Variants in DENND1B observed in about 807,000 individuals in gnomAD.
DENND1B encodes the protein DENN domain containing 1B, also known as DENN domain-containing protein 1B.
In DENND1B, 59 loss-of-function variants were observed where a neutral mutation model predicts 90.1. That is an observed-to-expected ratio of 0.65 (90% CI 0.53 to 0.81). The LOEUF is 0.81. Ranked by LOEUF, DENND1B falls within the 40% of genes least tolerant of loss-of-function variation. The pLI is 0.00. For synonymous variants in DENND1B, 337 were observed against 324.6 expected (o/e 1.04, Z -0.41); for missense variants, 862 against 912.6 (o/e 0.94, Z 0.71).
intron 10 of DENND1B, among the ~76,000 whole-genome samples, chr1:197,626,551 C>T (rs1326449541): frequency 6.6e-6 from 1 of 152,154 alleles, no homozygotes; most frequent in Admixed American, 6.6e-5. Context: ...ATTTATAGCA[C>T]TAAATGCCCT....
chr1:197,719,179 A>G (rs1237859878), intron 2 of DENND1B, among the ~76,000 whole-genome samples: 2 of 152,160 alleles, frequency 1.3e-5, no homozygotes, highest in African/African-American at 4.8e-5. Context: ...TACAGAGGCA[A>G]TTTACTTAAG....
chr1:197,647,177 T>A, intron 7 of DENND1B, 63 bp from the exon 8 acceptor site: 4 of 1,186,552 alleles, frequency 3.4e-6, no homozygotes, highest in Non-Finnish European at 4.5e-6. Context: ...TACACAACAA[T>A]TTGCTGTGTA....
intron 13 of DENND1B, chr1:197,606,643 T>G (rs1009758764): frequency 1.3e-5 from 2 of 156,936 alleles, no homozygotes; most frequent in Non-Finnish European, 2.8e-5. Flanking sequence ...GATCATTAAT[T>G]AAAAGGAAAA....
chr1:197,622,258 C>G (rs562968001), intron 10 of DENND1B, among the ~76,000 whole-genome samples: 2 of 151,420 alleles, frequency 1.3e-5, no homozygotes, highest in Non-Finnish European at 3.0e-5. Context: ...ACTACTCATA[C>G]CTAATCCTCA....
At chr1:197,636,858 G>A (rs527412450) in intron 10 of DENND1B, among the ~76,000 whole-genome samples, 1 of 152,190 alleles carries the variant, frequency 6.6e-6, no homozygotes, top group South Asian at 2.1e-4. Context: ...AAACAGATGA[G>A]AGGGAGGAGT....
At chr1:197,751,939 A>AAGGAGG (rs892502706) in intron 2 of DENND1B, among the ~76,000 whole-genome samples, 1 of 133,802 alleles carries the variant, frequency 7.5e-6, no homozygotes, top group Non-Finnish European at 1.6e-5. Flanking sequence ...GAAAGAGAAG[A>AAGGAGG]AGGAGGAGGA....
chr1:197,587,852 T>C (rs1250783598), intron 14 of DENND1B, among the ~76,000 whole-genome samples: 3 of 152,088 alleles, frequency 2.0e-5, no homozygotes, highest in Non-Finnish European at 2.9e-5. Context: ...CCTGAGCTTG[T>C]TTTCTTGCAA....
At chr1:197,614,062 G>A (rs1466999385) in intron 11 of DENND1B, among the ~76,000 whole-genome samples, 5 of 145,800 alleles carry the variant, frequency 3.4e-5, no homozygotes, top group African/African-American at 1.0e-4. Flanking sequence ...ACGGAGTCTC[G>A]CTCTTTCGCC....
chr1:197,763,283 T>C (rs1558494856), intron 2 of DENND1B, among the ~76,000 whole-genome samples: 2 of 152,220 alleles, frequency 1.3e-5, no homozygotes, highest in East Asian at 1.9e-4. Context: ...TTTTTATATA[T>C]ATTTTTTTAT....
At chr1:197,574,003 C>T (rs1418903209) in intron 15 of DENND1B, among the ~76,000 whole-genome samples, 2 of 152,162 alleles carry the variant, frequency 1.3e-5, no homozygotes, top group Non-Finnish European at 2.9e-5. Context: ...ACTGAATGGG[C>T]AAAAACTGGA....
chr1:197,674,667 T>A (rs1161765332), intron 3 of DENND1B, among the ~76,000 whole-genome samples: 1 of 144,698 alleles, frequency 6.9e-6, no homozygotes. Flanking sequence ...GTCAAACAGT[T>A]AAAAAAAAAA....
At chr1:197,652,070 T>C (rs1012231738) in intron 7 of DENND1B, among the ~76,000 whole-genome samples, 165 bp downstream of exon 7, 3 of 152,324 alleles carry the variant, frequency 2.0e-5, no homozygotes, top group South Asian at 4.1e-4. Context: ...AGTTACAGCA[T>C]GTTAAAAAGA....
At chr1:197,600,468 C>CTCT (rs1676102445) in intron 13 of DENND1B, among the ~76,000 whole-genome samples, 1 of 151,654 alleles carries the variant, frequency 6.6e-6, no homozygotes, top group Non-Finnish European at 1.5e-5. Flanking sequence ...TGTGGATTCT[C>CTCT]CTCTTTACTC....
intron 2 of DENND1B, among the ~76,000 whole-genome samples, chr1:197,772,250 G>A (rs919178108): frequency 6.6e-6 from 1 of 152,000 alleles, no homozygotes; most frequent in East Asian, 1.9e-4. Flanking sequence ...GAAAAGATTC[G>A]CCCTTTCACC....
chr1:197,768,443 G>A (rs534177887), intron 2 of DENND1B, among the ~76,000 whole-genome samples: 2 of 152,208 alleles, frequency 1.3e-5, no homozygotes, highest in South Asian at 4.2e-4. Context: ...AGTCACTTTG[G>A]GGAAGGTGGG....
chr1:197,562,111 A>G (rs1406870872), intron 15 of DENND1B, among the ~76,000 whole-genome samples: 1 of 151,858 alleles, frequency 6.6e-6, no homozygotes, highest in African/African-American at 2.4e-5. Context: ...TGTTCTATCT[A>G]CTTTCCCATA....
chr1:197,759,211 C>T (rs993434797), intron 2 of DENND1B, among the ~76,000 whole-genome samples: 7 of 151,368 alleles, frequency 4.6e-5, no homozygotes, highest in African/African-American at 1.7e-4. Context: ...TCATGTGATC[C>T]ACCCACCTCA....
At chr1:197,671,385 G>C (rs1464138091) in intron 5 of DENND1B, among the ~76,000 whole-genome samples, 1 of 152,160 alleles carries the variant, frequency 6.6e-6, no homozygotes, top group Non-Finnish European at 1.5e-5. Flanking sequence ...AATCAAGGCA[G>C]ATAATGTAAG....
intron 3 of DENND1B, among the ~76,000 whole-genome samples, chr1:197,701,471 T>C (rs1659022285): frequency 6.6e-6 from 1 of 151,478 alleles, no homozygotes; most frequent in African/African-American, 2.4e-5. Flanking sequence ...GACAGGTGAA[T>C]AGATGCAGCA....
Sources: gnomAD v4.1 joint callset for allele counts (sites outside exome capture counted in the v4.1 genomes callset) on GRCh38, gnomAD v4.1.1 for gene constraint, MANE v1.5 for transcripts, NCBI Gene and HGNC (gene_info 2026-07-23, HGNC 2026-07-21) for gene names.